SLC30A8: variants seen among roughly 807,000 people sequenced by gnomAD.
SLC30A8 encodes solute carrier family 30 member 8.
SLC30A8 carries 27 observed loss-of-function variants against 36.9 expected under a neutral mutation model. The ratio of observed to expected loss-of-function variants is 0.73; its 90% CI spans 0.54 to 1.01. The LOEUF (loss-of-function observed/expected upper bound fraction) is 1.01. SLC30A8 is among the 50% of genes least tolerant of loss of function. SLC30A8 has a pLI of 0.00. For synonymous variants in SLC30A8, 164 were observed against 172.4 expected (o/e 0.95, Z 0.38); for missense variants, 439 against 452.0 (o/e 0.97, Z 0.26).
chr8:116,972,851 A>T (rs1416706915), intron 1 of SLC30A8, among the ~76,000 whole-genome samples: 4 of 152,124 alleles, frequency 2.6e-5, no homozygotes, highest in Non-Finnish European at 5.9e-5. Flanking sequence ...CCTTATTAGT[A>T]AAAAAGCCCT....
At chr8:117,108,215 A>G (rs192309928) in intron 2 of SLC30A8, among the ~76,000 whole-genome samples, 193 of 152,322 alleles carry the variant, frequency 1.3e-3, no homozygotes, top group African/African-American at 4.1e-3. Context: ...TAATACTTTC[A>G]TTCAGTTAAA....
chr8:116,986,018 C>G (rs987770122), intron 1 of SLC30A8, among the ~76,000 whole-genome samples: 6 of 152,100 alleles, frequency 3.9e-5, no homozygotes, highest in African/African-American at 1.4e-4. Flanking sequence ...TTTCCACTTT[C>G]TCATGCTAAT....
At chr8:117,052,458 G>C (rs1332561040) in intron 2 of SLC30A8, among the ~76,000 whole-genome samples, 1 of 152,212 alleles carries the variant, frequency 6.6e-6, no homozygotes, top group Non-Finnish European at 1.5e-5. Context: ...ACTATGTTTT[G>C]TATCAGCACA....
chr8:116,972,382 A>G (rs1446495773), intron 1 of SLC30A8, among the ~76,000 whole-genome samples: 3 of 152,256 alleles, frequency 2.0e-5, no homozygotes, highest in Non-Finnish European at 4.4e-5. Flanking sequence ...AAATCGATGC[A>G]GAGAAGTGAG....
At chr8:117,062,533 A>T (rs1471884452) in intron 2 of SLC30A8, among the ~76,000 whole-genome samples, 1 of 152,214 alleles carries the variant, frequency 6.6e-6, no homozygotes, top group Non-Finnish European at 1.5e-5. Context: ...CATTCATGAG[A>T]GATACACCCC....
At chr8:117,095,078 A>G (rs1819299504) in intron 2 of SLC30A8, among the ~76,000 whole-genome samples, 1 of 152,134 alleles carries the variant, frequency 6.6e-6, no homozygotes, top group Non-Finnish European at 1.5e-5. Context: ...GGCCCCTAAG[A>G]GTGCAGAGAT....
chr8:116,984,994 G>A (rs1387876647), intron 1 of SLC30A8, among the ~76,000 whole-genome samples: 1 of 151,814 alleles, frequency 6.6e-6, no homozygotes, highest in African/African-American at 2.4e-5. Context: ...AAAATTACAA[G>A]GTTCAATTTG....
chr8:117,073,832 C>T (rs1243469377), intron 2 of SLC30A8, among the ~76,000 whole-genome samples: 27 of 152,094 alleles, frequency 1.8e-4, no homozygotes, highest in Admixed American at 1.8e-3. Flanking sequence ...CATGGCTCTT[C>T]TGTGATCTAG....
At chr8:117,056,439 C>T (rs748207035) in intron 2 of SLC30A8, among the ~76,000 whole-genome samples, 3 of 152,188 alleles carry the variant, frequency 2.0e-5, no homozygotes, top group Non-Finnish European at 4.4e-5. Flanking sequence ...TATTGTAAGG[C>T]ATGGGTCTGT....
At chr8:117,048,986 T>G (rs1020863974) in intron 2 of SLC30A8, among the ~76,000 whole-genome samples, 2 of 152,228 alleles carry the variant, frequency 1.3e-5, no homozygotes, top group Admixed American at 6.5e-5. Flanking sequence ...TTGGCATTAC[T>G]GACATTTTAG....
intron 1 of SLC30A8, among the ~76,000 whole-genome samples, chr8:116,993,236 C>T (rs1017534399): frequency 2.0e-5 from 3 of 151,152 alleles, no homozygotes; most frequent in Non-Finnish European, 2.9e-5. Flanking sequence ...AGTTGGGATC[C>T]AGGCAAGATG....
intron 6 of SLC30A8, among the ~76,000 whole-genome samples, chr8:117,167,603 A>G (rs1172214417): frequency 6.6e-6 from 1 of 151,788 alleles, no homozygotes; most frequent in Non-Finnish European, 1.5e-5. Context: ...GGCATTTTTC[A>G]TTTGGAGATC....
intron 2 of SLC30A8, among the ~76,000 whole-genome samples, chr8:117,076,915 C>T (rs1219778284): frequency 1.3e-5 from 2 of 152,038 alleles, no homozygotes; most frequent in Non-Finnish European, 2.9e-5. Context: ...AAATGTCTTC[C>T]GAAGGGATAT....
At chr8:116,954,103 G>C (rs1380621012) in intron 1 of SLC30A8, among the ~76,000 whole-genome samples, 1 of 152,182 alleles carries the variant, frequency 6.6e-6, no homozygotes, top group African/African-American at 2.4e-5. Flanking sequence ...TAAGTAATTG[G>C]ATGTGGGAGT....
At chr8:116,979,714 C>T (rs1422053208) in intron 1 of SLC30A8, among the ~76,000 whole-genome samples, 2 of 152,090 alleles carry the variant, frequency 1.3e-5, no homozygotes, top group African/African-American at 4.8e-5. Flanking sequence ...TCACTTGTCC[C>T]GGGAGAGGTG....
intron 1 of SLC30A8, among the ~76,000 whole-genome samples, chr8:117,026,131 T>G (rs1816864050): frequency 6.6e-6 from 1 of 152,206 alleles, no homozygotes; most frequent in Non-Finnish European, 1.5e-5. Context: ...TAGTGAATCT[T>G]GTTGATTGCA....
intron 1 of SLC30A8, among the ~76,000 whole-genome samples, chr8:116,962,679 T>C (rs2130596945): frequency 6.6e-6 from 1 of 152,144 alleles, no homozygotes; most frequent in Middle Eastern, 3.4e-3. Flanking sequence ...TCAATACATT[T>C]ATTCACGAGG....
intron 1 of SLC30A8, among the ~76,000 whole-genome samples, chr8:116,992,882 A>T (rs1196452897): frequency 6.6e-6 from 1 of 152,196 alleles, no homozygotes; most frequent in Non-Finnish European, 1.5e-5. Flanking sequence ...GTGATCCAGC[A>T]TTCCTGATGC....
intron 2 of SLC30A8, among the ~76,000 whole-genome samples, chr8:117,129,421 G>A (rs570164856): frequency 8.6e-5 from 13 of 151,944 alleles, no homozygotes; most frequent in Non-Finnish European, 1.5e-4. Flanking sequence ...GTATCCACTG[G>A]GACATCATTT....
Sources: allele counts gnomAD v4.1 joint callset (sites outside exome capture counted in the v4.1 genomes callset), GRCh38; gene constraint gnomAD v4.1.1; transcripts MANE v1.5; gene names NCBI Gene and HGNC (gene_info 2026-07-23, HGNC 2026-07-21).